Variants in SEMA6D observed in about 807,000 individuals in gnomAD.
SEMA6D encodes semaphorin 6D, also known as semaphorin-6D.
SEMA6D carries 35 observed loss-of-function variants against 106.6 expected under a neutral mutation model. The observed-to-expected ratio is 0.33, with a 90% CI of 0.25 to 0.44. The LOEUF (loss-of-function observed/expected upper bound fraction) is 0.44. Ranked by LOEUF, SEMA6D falls within the 20% of genes least tolerant of loss-of-function variation. The probability of loss-of-function intolerance (pLI) is 1.00; values close to 1 mark genes in which losing one functional copy is unlikely to be tolerated. For synonymous variants in SEMA6D, 499 were observed against 487.7 expected, an observed-to-expected ratio of 1.02 and a Z score of -0.31; for missense variants, 1,185 against 1,345.9, an observed-to-expected ratio of 0.88 and a Z score of 1.87.
At chr15:47,431,013 A>G (rs1455586010) in intron 2 of SEMA6D, among the ~76,000 whole-genome samples, 1 of 152,162 alleles carries the variant, frequency 6.6e-6, no homozygotes, top group East Asian at 1.9e-4. Context: ...TTCTATAGCT[A>G]TCAATAAAAC....
At chr15:47,636,947 G>C (rs2077399806) in intron 4 of SEMA6D, among the ~76,000 whole-genome samples, 1 of 152,188 alleles carries the variant, frequency 6.6e-6, no homozygotes, top group South Asian at 2.1e-4. Context: ...AACACACTTA[G>C]TAGGTTAGTA....
chr15:47,471,619 A>G (rs75963268), intron 3 of SEMA6D, among the ~76,000 whole-genome samples: 2,366 of 152,236 alleles, frequency 0.016, 46 homozygotes, highest in African/African-American at 0.036. Flanking sequence ...TTCTCTGAGA[A>G]AGGCTGAATT....
chr15:47,333,722 A>G (rs1352940219), intron 1 of SEMA6D, among the ~76,000 whole-genome samples: 1 of 152,212 alleles, frequency 6.6e-6, no homozygotes, highest in Non-Finnish European at 1.5e-5. Context: ...TATCATGGAC[A>G]TTACATTTTA....
chr15:47,354,568 T>TAG (rs754059722), intron 1 of SEMA6D, among the ~76,000 whole-genome samples: 46 of 150,082 alleles, frequency 3.1e-4, no homozygotes, highest in Non-Finnish European at 4.9e-4. Context: ...TATGTGTACA[T>TAG]ATATATATAC....
chr15:47,379,862 ATTC>A (rs2039578308), intron 1 of SEMA6D, among the ~76,000 whole-genome samples: 1 of 152,264 alleles, frequency 6.6e-6, no homozygotes, highest in African/African-American at 2.4e-5. Flanking sequence ...GATTCAAACA[ATTC>A]TTCTGCCTCT....
At chr15:47,662,996 G>T (rs1281275950) in intron 4 of SEMA6D, among the ~76,000 whole-genome samples, 1 of 152,114 alleles carries the variant, frequency 6.6e-6, no homozygotes. Context: ...ACTACATGTT[G>T]GCAAGAAGTA....
intron 1 of SEMA6D, among the ~76,000 whole-genome samples, chr15:47,287,968 A>G (rs991282636): frequency 6.6e-6 from 1 of 152,154 alleles, no homozygotes; most frequent in Admixed American, 6.5e-5. Flanking sequence ...ATGGTTTTTC[A>G]CATGACAAAA....
intron 2 of SEMA6D, among the ~76,000 whole-genome samples, chr15:47,424,380 A>G (rs1004214122): frequency 1.3e-5 from 2 of 152,126 alleles, no homozygotes; most frequent in African/African-American, 4.8e-5. Context: ...TTGAAAAGAA[A>G]AAATTAATTG....
chr15:47,278,264 T>C (rs2034934599), intron 1 of SEMA6D, among the ~76,000 whole-genome samples: 1 of 152,182 alleles, frequency 6.6e-6, no homozygotes, highest in Non-Finnish European at 1.5e-5. Flanking sequence ...CCACATCCTC[T>C]CCAGCACCTG....
In SEMA6D at chr15:47,582,753, TCC is replaced by T. The variant is rs1029537580; in HGVS notation, c.-86-18110_-86-18109del. The stretch of plus-strand genomic sequence containing the variant: ...TGAGCTTCAAAGCATGTCTTCCCAA[TCC>T]CACCCCACCCTCAGCCTGCCAGCCT... On this transcript the variant is annotated intron_variant, in intron 3 of 19. Coordinates refer to the SEMA6D transcript ENST00000558014. Among the ~76,000 whole-genome samples, 22 of 150,042 alleles carry T rather than the reference TCC, an allele frequency of 1.5e-4. No homozygotes were observed. The East Asian group carries it at 3.9e-3, about 26-fold the overall frequency.
intron 2 of SEMA6D, among the ~76,000 whole-genome samples, chr15:47,460,682 T>C (rs1596054269): frequency 2.6e-5 from 4 of 151,972 alleles, no homozygotes; most frequent in East Asian, 1.9e-4. Context: ...GAATGAGGAG[T>C]ATTTAAACAT....
chr15:47,336,062 G>A (rs1414564232), intron 1 of SEMA6D, among the ~76,000 whole-genome samples: 1 of 152,226 alleles, frequency 6.6e-6, no homozygotes, highest in Non-Finnish European at 1.5e-5. Context: ...AAAAGGGCTA[G>A]TGTCCTTCGG....
In SEMA6D at chr15:47,759,854, G is replaced by C; in HGVS notation, c.56G>C (p.Arg19Thr). ...CTGCTGCTGATGGTTTCCCAGTTGA[G>C]GGCAGTCAGCTTTCCTGAAGATGAT... ...YILLLMVSQL[R>T]AVSFPEDDEP... The change falls in exon 2 of 19, where the codon AGG becomes ACG. Residue 19 changes from arginine to threonine, a missense_variant. Physicochemically the swap from Arg to Thr is moderately conservative, Grantham distance 71. Around this residue, in one of 3 missense-constraint regions of SEMA6D, gnomAD observed 144 missense variants for 138.6 expected, o/e 1.04. Transcript: ENST00000536845. 5 of 1,613,820 alleles carry C rather than the reference G, an allele frequency of 3.1e-6. No homozygotes were observed. Among genetic ancestry groups the C allele is most frequent in the Non-Finnish European group, 4.2e-6 (5 of 1,179,764 alleles).
chr15:47,533,717 C>T (rs147011724), intron 3 of SEMA6D, among the ~76,000 whole-genome samples: 1 of 152,250 alleles, frequency 6.6e-6, no homozygotes, highest in East Asian at 1.9e-4. Flanking sequence ...TGTGAGAGGA[C>T]AGGGGGCCAT....
chr15:47,330,782 C>G (rs1490930675), intron 1 of SEMA6D, among the ~76,000 whole-genome samples: 1 of 152,154 alleles, frequency 6.6e-6, no homozygotes, highest in Non-Finnish European at 1.5e-5. Context: ...GACGGCTTCT[C>G]TGAGGAAATG....
intron 1 of SEMA6D, among the ~76,000 whole-genome samples, chr15:47,391,549 A>G (rs1460867926): frequency 6.6e-6 from 1 of 152,116 alleles, no homozygotes; most frequent in Non-Finnish European, 1.5e-5. Context: ...GGAAATTATT[A>G]CTGAATTGCA....
chr15:47,594,524 TA>T (rs1169205570), intron 3 of SEMA6D, among the ~76,000 whole-genome samples: 1 of 152,180 alleles, frequency 6.6e-6, no homozygotes, highest in African/African-American at 2.4e-5. Flanking sequence ...ATTTATGCTT[TA>T]AAACAGCCAT....
intron 2 of SEMA6D, among the ~76,000 whole-genome samples, chr15:47,422,167 C>T (rs116500237): frequency 0.01 from 665 of 64,248 alleles, 7 homozygotes; most frequent in African/African-American, 0.026. Context: ...ATTTTTTGCC[C>T]GCCCGCCTGC....
At chr15:47,549,403 C>G (rs1596297397) in intron 3 of SEMA6D, among the ~76,000 whole-genome samples, 1 of 152,120 alleles carries the variant, frequency 6.6e-6, no homozygotes, top group Admixed American at 6.6e-5. Flanking sequence ...TCACGGTAGC[C>G]TTGAGGGACC....
Sources: gnomAD v4.1 joint callset for allele counts (sites outside exome capture counted in the v4.1 genomes callset) on GRCh38, gnomAD v4.1.1 for gene constraint, gnomAD v4.1.1 regional missense constraint, MANE v1.5 for transcripts, NCBI Gene and HGNC (gene_info 2026-07-23, HGNC 2026-07-21) for gene names.